The following CTNNA3 variants were observed in gnomAD, a reference collection of about 807,000 sequenced individuals.
The protein encoded by CTNNA3 is catenin alpha-3.
CTNNA3 carries 76 observed loss-of-function variants against 95.7 expected under a neutral mutation model. That is an observed-to-expected ratio of 0.79 (90% CI 0.66 to 0.96). CTNNA3 has a LOEUF of 0.96. CTNNA3 is among the 40% of genes least tolerant of loss of function. The pLI is 0.00. For synonymous variants in CTNNA3, 431 were observed against 374.4 expected (o/e 1.15, Z -1.74); for missense variants, 1,191 against 1,089.8 (o/e 1.09, Z -1.31).
chr10:67,108,253 T>A (rs1858754004), intron 7 of CTNNA3, among the ~76,000 whole-genome samples: 1 of 152,126 alleles, frequency 6.6e-6, no homozygotes, highest in Non-Finnish European at 1.5e-5. Context: ...ATATATATAT[T>A]TCTAATCTGA....
At chr10:67,331,687 T>TA (rs1407701325) in intron 5 of CTNNA3, among the ~76,000 whole-genome samples, 3 of 152,146 alleles carry the variant, frequency 2.0e-5, no homozygotes, top group African/African-American at 7.2e-5. Context: ...TGAGATGAGA[T>TA]ATAGTATCTT....
At chr10:66,133,470 G>A (rs886276055) in intron 13 of CTNNA3, among the ~76,000 whole-genome samples, 3 of 151,404 alleles carry the variant, frequency 2.0e-5, no homozygotes, top group South Asian at 2.1e-4. Flanking sequence ...CCGAGATCAC[G>A]CCATTGCACT....
At chr10:66,099,160 T>A (rs2081515423) in intron 14 of CTNNA3, among the ~76,000 whole-genome samples, 2 of 152,202 alleles carry the variant, frequency 1.3e-5, no homozygotes, top group African/African-American at 4.8e-5. Context: ...ATTTACTCTT[T>A]AGAAACAGCA....
intron 7 of CTNNA3, among the ~76,000 whole-genome samples, chr10:66,944,427 C>G (rs1281033110): frequency 6.6e-6 from 1 of 152,174 alleles, no homozygotes; most frequent in Non-Finnish European, 1.5e-5. Context: ...TCTTCAGTTA[C>G]TTCCTCCACT....
At chr10:67,247,466 T>A (rs1158289843) in intron 5 of CTNNA3, among the ~76,000 whole-genome samples, 1 of 151,988 alleles carries the variant, frequency 6.6e-6, no homozygotes, top group Non-Finnish European at 1.5e-5. Flanking sequence ...ACAAGATGAG[T>A]ATATTGAAAA....
intron 6 of CTNNA3, among the ~76,000 whole-genome samples, chr10:67,210,807 A>G (rs1864109620): frequency 6.6e-6 from 1 of 152,222 alleles, no homozygotes; most frequent in South Asian, 2.1e-4. Flanking sequence ...AATTTCAATC[A>G]GTAGTCAGTG....
chr10:66,089,380 A>C (rs1440142327), intron 14 of CTNNA3, among the ~76,000 whole-genome samples: 1 of 146,716 alleles, frequency 6.8e-6, no homozygotes, highest in Non-Finnish European at 1.5e-5. Flanking sequence ...CCTTCCTTCC[A>C]TCCTTCCTTC....
chr10:66,814,535 C>T (rs542392330), intron 7 of CTNNA3, among the ~76,000 whole-genome samples: 94 of 152,228 alleles, frequency 6.2e-4, no homozygotes, highest in African/African-American at 2.2e-3. Flanking sequence ...CCAAGGCAAG[C>T]AGATCACTTG....
At chr10:66,033,055 C>T (rs2079480575) in intron 15 of CTNNA3, among the ~76,000 whole-genome samples, 1 of 151,946 alleles carries the variant, frequency 6.6e-6, no homozygotes. Flanking sequence ...CCTGGTTATT[C>T]TGTAGGCCTA....
intron 7 of CTNNA3, among the ~76,000 whole-genome samples, chr10:67,163,111 G>T (rs1861618349): frequency 6.6e-6 from 1 of 151,508 alleles, no homozygotes; most frequent in African/African-American, 2.4e-5. Context: ...AAAAAAAGAG[G>T]GAGTACTTTC....
upstream of CTNNA3, among the ~76,000 whole-genome samples, chr10:67,699,375 C>G (rs907091375): frequency 2.0e-5 from 3 of 152,166 alleles, no homozygotes; most frequent in Non-Finnish European, 4.4e-5. Context: ...CCAAAAGGGT[C>G]ATTTTTAAGT....
At chr10:66,983,293 A>C (rs963966261) in intron 7 of CTNNA3, among the ~76,000 whole-genome samples, 3 of 152,116 alleles carry the variant, frequency 2.0e-5, no homozygotes, top group African/African-American at 7.2e-5. Context: ...ATCAGCAAAG[A>C]ATCAGGAGCT....
intron 5 of CTNNA3, among the ~76,000 whole-genome samples, chr10:67,352,457 T>C (rs1337104991): frequency 6.6e-6 from 1 of 151,958 alleles, no homozygotes; most frequent in Non-Finnish European, 1.5e-5. Context: ...AAGTCTCCCT[T>C]TCCAGAAAGT....
At chr10:66,850,662 A>AT (rs61392525) in intron 7 of CTNNA3, among the ~76,000 whole-genome samples, 4 of 150,766 alleles carry the variant, frequency 2.7e-5, no homozygotes, top group African/African-American at 4.9e-5. Flanking sequence ...TAAGACAACC[A>AT]TTTTTTTTCA....
At chr10:67,397,088 G>A (rs562287941) in intron 5 of CTNNA3, among the ~76,000 whole-genome samples, 2 of 152,240 alleles carry the variant, frequency 1.3e-5, no homozygotes, top group South Asian at 2.1e-4. Context: ...GGGTGCTGCT[G>A]TAAAGACACC....
chr10:67,552,844 T>G (rs1841081352), intron 3 of CTNNA3, among the ~76,000 whole-genome samples: 1 of 152,110 alleles, frequency 6.6e-6, no homozygotes, highest in African/African-American at 2.4e-5. Context: ...AAGGACATGA[T>G]CTCATTTCTT....
intron 5 of CTNNA3, among the ~76,000 whole-genome samples, chr10:67,371,113 G>A (rs1438916557): frequency 1.3e-4 from 19 of 151,756 alleles, no homozygotes; most frequent in East Asian, 7.8e-4. Flanking sequence ...TGATCCGCCC[G>A]CCTCGGCCTC....
intron 13 of CTNNA3, among the ~76,000 whole-genome samples, chr10:66,174,195 A>G (rs952881537): frequency 1.3e-5 from 2 of 152,168 alleles, no homozygotes. Flanking sequence ...TAGTCTAAGG[A>G]AGCCTGATCC....
At chr10:66,614,525 C>A (rs989973564) in intron 10 of CTNNA3, among the ~76,000 whole-genome samples, 1 of 151,900 alleles carries the variant, frequency 6.6e-6, no homozygotes, top group Non-Finnish European at 1.5e-5. Flanking sequence ...ATTTCACATG[C>A]TTCTCTAGGG....
Sources: allele counts gnomAD v4.1 joint callset (sites outside exome capture counted in the v4.1 genomes callset), GRCh38; gene constraint gnomAD v4.1.1; transcripts MANE v1.5; gene names NCBI Gene and HGNC (gene_info 2026-07-23, HGNC 2026-07-21).